Variants in IQGAP2 observed in about 807,000 individuals in gnomAD.
The protein encoded by IQGAP2 is ras GTPase-activating-like protein IQGAP2.
A neutral mutation model predicts 201.3 loss-of-function variants in IQGAP2; 173 were observed. The observed-to-expected ratio is 0.86, with a 90% CI of 0.76 to 0.98. IQGAP2 has a LOEUF of 0.98. Ranked by LOEUF, IQGAP2 falls within the 50% of genes least tolerant of loss-of-function variation. IQGAP2 has a pLI of 0.00. For missense variants in IQGAP2, 1,687 were observed against 1,864.8 expected (o/e 0.90, Z 1.76); for synonymous variants, 675 against 673.9 (o/e 1.00, Z -0.03).
At chr5:76,695,046 T>G (rs1020471987) in intron 31 of IQGAP2, among the ~76,000 whole-genome samples, 1 of 152,178 alleles carries the variant, frequency 6.6e-6, no homozygotes, top group African/African-American at 2.4e-5. Flanking sequence ...ATGGCTGATG[T>G]GTGAGAGTTT....
chr5:76,409,625 T>G (rs1383947308), intron 1 of IQGAP2, among the ~76,000 whole-genome samples: 3 of 152,186 alleles, frequency 2.0e-5, no homozygotes, highest in Non-Finnish European at 4.4e-5. Flanking sequence ...CATCTCTTAC[T>G]GTGAGGTGCT....
intron 28 of IQGAP2, among the ~76,000 whole-genome samples, chr5:76,678,641 CA>C (rs1351797329): frequency 6.6e-6 from 1 of 152,170 alleles, no homozygotes; most frequent in African/African-American, 2.4e-5. Flanking sequence ...CCAGAGGATT[CA>C]GATGCACATT....
chr5:76,642,574 C>G (rs1462930787), intron 17 of IQGAP2, among the ~76,000 whole-genome samples: 2 of 152,056 alleles, frequency 1.3e-5, no homozygotes, highest in Non-Finnish European at 2.9e-5. Flanking sequence ...ACCTGCTGAC[C>G]CATAAAACCA....
chr5:76,476,330 G>A (rs975280951), intron 2 of IQGAP2, among the ~76,000 whole-genome samples: 2 of 152,172 alleles, frequency 1.3e-5, no homozygotes, highest in Non-Finnish European at 2.9e-5. Flanking sequence ...GAAGCCCTGA[G>A]AAGTGAGGTG....
chr5:76,661,723 G>A (rs1340871621), intron 21 of IQGAP2, among the ~76,000 whole-genome samples: 1 of 152,180 alleles, frequency 6.6e-6, no homozygotes. Context: ...CTCTACAGAT[G>A]AGGAAACTGA....
intron 2 of IQGAP2, among the ~76,000 whole-genome samples, chr5:76,520,432 G>C (rs1480732986): frequency 4.6e-5 from 7 of 152,186 alleles, no homozygotes; most frequent in Non-Finnish European, 1.0e-4. Flanking sequence ...AAAGTGCTGG[G>C]ATTACAAGCG....
intron 23 of IQGAP2, among the ~76,000 whole-genome samples, chr5:76,669,385 C>T (rs1280542601): frequency 3.3e-5 from 5 of 152,056 alleles, no homozygotes; most frequent in Non-Finnish European, 4.4e-5. Context: ...TTTGGGAGCA[C>T]GGGAGCCAGG....
rs1430296212 is a variant in IQGAP2 at position 76,611,093 on chromosome 5, C to T, written c.1431C>T (p.Leu477=). ...GNPLRTLETL[L]LPTANISDVD... ...CTTTGAGGACTTTAGAAACTTTGCT[C>T]CTACCTACTGCGAATATTAGTGATG... The change falls in exon 13 of 36, where the codon CTC becomes CTT. Residue 477 remains leucine, a synonymous_variant. Transcript: ENST00000274364. 1 of 1,613,896 alleles carries T rather than the reference C, an allele frequency of 6.2e-7. No individual in the cohort carries two copies. The highest frequency in any genetic ancestry group is 8.5e-7 in the Non-Finnish European group (1 of 1,179,792).
At chr5:76,590,343 A>C (rs2270907) in intron 7 of IQGAP2, 65 bp from the exon 8 acceptor site, 6 of 1,298,874 alleles carry the variant, frequency 4.6e-6, no homozygotes, top group Middle Eastern at 1.9e-4. Flanking sequence ...CACAGGGTCA[A>C]TGCAACTGTC....
At chr5:76,687,160 G>A (rs1580821822) in intron 30 of IQGAP2, among the ~76,000 whole-genome samples, 1 of 152,178 alleles carries the variant, frequency 6.6e-6, no homozygotes, top group Non-Finnish European at 1.5e-5. Context: ...AAAGGCTTGA[G>A]GCCAGTGTTT....
rs776621667 is a variant in IQGAP2 at position 76,658,630 on chromosome 5, A to G, written c.2492A>G (p.Lys831Arg). 2 of 1,613,942 alleles carry G rather than the reference A, an allele frequency of 1.2e-6. No individual in the cohort carries two copies. Among genetic ancestry groups the G allele is most frequent in the Non-Finnish European group, 1.7e-6 (2 of 1,179,930 alleles). ...AAAGACCTGAACCTGATGGACATCA[A>G]GATTGGACTGCTGGTGAAGAACAGG... Reference protein sequence around the residue: ...LEKDLNLMDIKIGLLVKNRIT... With the variant: ...LEKDLNLMDIRIGLLVKNRIT... Residue 831 changes from lysine to arginine, a missense_variant, in exon 21 of 36, where the codon AAG (lysine) becomes AGG (arginine). By Grantham distance (26) the Lys-to-Arg change is conservative. Coordinates refer to ENST00000274364, the MANE Select transcript of IQGAP2 (RefSeq NM_006633.5).
intron 2 of IQGAP2, among the ~76,000 whole-genome samples, chr5:76,504,058 C>T (rs1242501807): frequency 6.6e-6 from 1 of 152,206 alleles, no homozygotes; most frequent in African/African-American, 2.4e-5. Context: ...TGCTGAATCC[C>T]TGAATGATCA....
intron 1 of IQGAP2, among the ~76,000 whole-genome samples, chr5:76,455,411 C>G (rs918910837): frequency 2.1e-5 from 3 of 141,118 alleles, no homozygotes; most frequent in Admixed American, 7.4e-5. Flanking sequence ...CAAGATCGTA[C>G]TACTGCACTC....
At chr5:76,525,036 TGTG>T (rs1758891900) in intron 2 of IQGAP2, among the ~76,000 whole-genome samples, 2 of 152,222 alleles carry the variant, frequency 1.3e-5, no homozygotes, top group South Asian at 4.1e-4. Context: ...GCGAGTCTGG[TGTG>T]GTGTTTAAGT....
At chr5:76,592,313 C>T (rs374335499) in intron 8 of IQGAP2, among the ~76,000 whole-genome samples, 1 of 152,320 alleles carries the variant, frequency 6.6e-6, no homozygotes, top group South Asian at 2.1e-4. Flanking sequence ...GCTAAGCTTT[C>T]CATCTGTGTA....
chr5:76,660,307 A>C (rs1743140606), intron 21 of IQGAP2: 2 of 152,250 alleles, frequency 1.3e-5, no homozygotes, highest in South Asian at 4.1e-4. Context: ...TTCAGGAATA[A>C]AACTACAGTT....
chr5:76,627,371 T>C, intron 13 of IQGAP2, 39 bp from the exon 14 acceptor site: 1 of 1,261,826 alleles, frequency 7.9e-7, no homozygotes, highest in Non-Finnish European at 1.2e-6. Flanking sequence ...TCCTCATCAT[T>C]CACTCTTCTT....
At chr5:76,484,883 G>A (rs1756019911) in intron 2 of IQGAP2, among the ~76,000 whole-genome samples, 4 of 152,200 alleles carry the variant, frequency 2.6e-5, no homozygotes, top group East Asian at 1.9e-4. Context: ...CCAGGCTGGA[G>A]TGCAGTGGCA....
At chr5:76,666,727 G>A (rs1317264317) in intron 22 of IQGAP2, among the ~76,000 whole-genome samples, 3 of 152,134 alleles carry the variant, frequency 2.0e-5, no homozygotes, top group Non-Finnish European at 2.9e-5. Flanking sequence ...CCTTCGACCC[G>A]TTGGTTACAC....
Sources: allele counts gnomAD v4.1 joint callset (sites outside exome capture counted in the v4.1 genomes callset), GRCh38; gene constraint gnomAD v4.1.1; transcripts MANE v1.5; gene names NCBI Gene and HGNC (gene_info 2026-07-23, HGNC 2026-07-21).